The following PTPRD variants were observed in gnomAD, a reference collection of about 807,000 sequenced individuals.
PTPRD encodes the protein receptor-type tyrosine-protein phosphatase delta.
Under a neutral mutation model 214.5 loss-of-function variants are expected in PTPRD, and 34 were observed. The observed-to-expected ratio is 0.16, with a 90% CI of 0.12 to 0.21. The LOEUF is 0.21. PTPRD is among the 10% of genes least tolerant of loss of function. PTPRD has a pLI of 1.00. For missense variants in PTPRD, 2,545 were observed against 2,398.7 expected, an observed-to-expected ratio of 1.06 and a Z score of -1.27; for synonymous variants, 1,128 against 845.7, an observed-to-expected ratio of 1.33 and a Z score of -5.79.
At chr9:9,197,658 G>T (rs988831912) in intron 9 of PTPRD, among the ~76,000 whole-genome samples, 1 of 152,124 alleles carries the variant, frequency 6.6e-6, no homozygotes, top group African/African-American at 2.4e-5. Flanking sequence ...TGATCTGCCC[G>T]CCACGGCCTC....
chr9:9,532,115 T>C (rs1297595966), intron 8 of PTPRD, among the ~76,000 whole-genome samples: 8 of 151,848 alleles, frequency 5.3e-5, no homozygotes, highest in Non-Finnish European at 1.2e-4. Context: ...TTAAAAAAAT[T>C]AAAATCTAAA....
chr9:10,569,505 GTCTCTCTC>G lies in PTPRD; in HGVS notation c.-600+42885_-600+42892del, dbSNP rs141331871. On this transcript the variant is annotated intron_variant, in intron 2 of 45. Coordinates refer to ENST00000381196, the MANE Select transcript of PTPRD (RefSeq NM_002839.4). ...ATCCTGTATACTTGTGTATATGCAT[GTCTCTCTC>G]TCTCTCTCTCTCTCTCTCTGTGTGT... Among the ~76,000 whole-genome samples, 30 of 143,336 alleles carry G rather than the reference GTCTCTCTC, an allele frequency of 2.1e-4. 1 individual carries two copies. Among genetic ancestry groups the G allele is most frequent in the Admixed American group, 2.8e-4 (4 of 14,276 alleles). The allele number at this position is 143,336 out of a possible 152,430, so 94.0% of individuals were successfully genotyped here.
intron 5 of PTPRD, among the ~76,000 whole-genome samples, chr9:9,806,057 G>T (rs960978095): frequency 1.3e-5 from 2 of 152,102 alleles, no homozygotes; most frequent in Admixed American, 6.6e-5. Flanking sequence ...GATTACTAAA[G>T]AAAATAGTAA....
At chr9:10,482,122 AG>A (rs1365186789) in intron 2 of PTPRD, among the ~76,000 whole-genome samples, 8 of 152,192 alleles carry the variant, frequency 5.3e-5, no homozygotes, top group Non-Finnish European at 1.0e-4. Flanking sequence ...CTGTAATCCC[AG>A]CATTTTGGGA....
At chr9:8,820,860 T>C (rs941720145) in intron 11 of PTPRD, among the ~76,000 whole-genome samples, 3 of 149,234 alleles carry the variant, frequency 2.0e-5, no homozygotes, top group Admixed American at 6.7e-5. Context: ...GTGAAAGTTC[T>C]TTTCTACTCC....
intron 5 of PTPRD, among the ~76,000 whole-genome samples, chr9:9,827,404 G>T (rs891504519): frequency 1.3e-5 from 2 of 152,096 alleles, no homozygotes; most frequent in African/African-American, 4.8e-5. Flanking sequence ...CAAGCAATGG[G>T]GAAAGGATTC....
intron 36 of PTPRD, among the ~76,000 whole-genome samples, chr9:8,396,757 A>G (rs2091281870): frequency 3.9e-5 from 6 of 152,176 alleles, no homozygotes. Flanking sequence ...GGCTACATGT[A>G]AGAGAAAGAT....
chr9:8,891,582 A>C (rs2098540615), intron 11 of PTPRD, among the ~76,000 whole-genome samples: 1 of 152,104 alleles, frequency 6.6e-6, no homozygotes, highest in East Asian at 1.9e-4. Flanking sequence ...GCAACTGATA[A>C]TTCTGAAAAA....
At chr9:8,931,654 C>A (rs185812927) in intron 11 of PTPRD, among the ~76,000 whole-genome samples, 1 of 151,854 alleles carries the variant, frequency 6.6e-6, no homozygotes, top group South Asian at 2.1e-4. Flanking sequence ...GCCAGGTTTA[C>A]GTATCACGAT....
At chr9:9,146,491 C>T (rs143162695) in intron 10 of PTPRD, among the ~76,000 whole-genome samples, 1 of 152,204 alleles carries the variant, frequency 6.6e-6, no homozygotes, top group Non-Finnish European at 1.5e-5. Context: ...AAAATTTGAG[C>T]ACCAGTGTAA....
intron 11 of PTPRD, among the ~76,000 whole-genome samples, chr9:8,955,493 C>G (rs1028833650): frequency 1.4e-4 from 22 of 151,872 alleles, no homozygotes; most frequent in Admixed American, 1.1e-3. Context: ...CATAAATGCT[C>G]TGCTCTCAGG....
At position 9,498,018 on chromosome 9, in the gene PTPRD, T is replaced by C. The variant is rs79283773; in HGVS notation, c.-237+76714A>G. Among the ~76,000 whole-genome samples the C allele has an allele frequency of 1.4e-3, 209 of 152,262 alleles. 1 individual carries two copies. The highest frequency in any genetic ancestry group is 4.8e-3 in the African/African-American group (201 of 41,580). On this transcript the variant is annotated intron_variant, in intron 8 of 45. Transcript: ENST00000381196. ...AGTAATGTATTTTGCTTGCCTGAGA[T>C]AACAGTTCCCAGTTTTGCACATTCA...
intron 14 of PTPRD, among the ~76,000 whole-genome samples, chr9:8,597,023 T>C (rs1272496777): frequency 2.6e-5 from 4 of 152,052 alleles, no homozygotes; most frequent in Non-Finnish European, 5.9e-5. Flanking sequence ...TTAATTACAC[T>C]AAAAAATATG....
intron 7 of PTPRD, among the ~76,000 whole-genome samples, chr9:9,636,634 T>G (rs986052640): frequency 6.6e-6 from 1 of 152,188 alleles, no homozygotes; most frequent in Non-Finnish European, 1.5e-5. Flanking sequence ...ATTTTGTGTT[T>G]GGGTATAGTC....
chr9:9,921,128 C>T (rs2082422095), intron 5 of PTPRD, among the ~76,000 whole-genome samples: 1 of 152,004 alleles, frequency 6.6e-6, no homozygotes, highest in African/African-American at 2.4e-5. Context: ...GCTTCTGCAC[C>T]ACTGAAGTTA....
chr9:10,594,943 T>A (rs1327863364), intron 2 of PTPRD, among the ~76,000 whole-genome samples: 1 of 152,000 alleles, frequency 6.6e-6, no homozygotes, highest in Non-Finnish European at 1.5e-5. Context: ...TTTCATGTTG[T>A]CAAGGATTTG....
chr9:9,069,749 T>G (rs183336185), intron 10 of PTPRD, among the ~76,000 whole-genome samples: 49 of 152,280 alleles, frequency 3.2e-4, no homozygotes, highest in Non-Finnish European at 1.9e-4. Flanking sequence ...GAAGGAAACA[T>G]GTATACCTCT....
intron 8 of PTPRD, among the ~76,000 whole-genome samples, chr9:9,404,686 T>C (rs967143375): frequency 1.3e-5 from 2 of 152,008 alleles, no homozygotes; most frequent in African/African-American, 4.8e-5. Context: ...AAACCTATAG[T>C]TCAGTGGAGA....
chr9:10,242,803 G>A (rs1410880035), intron 3 of PTPRD, among the ~76,000 whole-genome samples: 1 of 151,702 alleles, frequency 6.6e-6, no homozygotes, highest in Admixed American at 6.6e-5. Context: ...GTGAGCCAAT[G>A]GCTGATTATT....
Sources: allele counts gnomAD v4.1 joint callset (sites outside exome capture counted in the v4.1 genomes callset), GRCh38; gene constraint gnomAD v4.1.1; transcripts MANE v1.5; gene names NCBI Gene and HGNC (gene_info 2026-07-23, HGNC 2026-07-21).